MTOR: variants seen among roughly 807,000 people sequenced by gnomAD.
MTOR encodes the protein mechanistic target of rapamycin kinase, also known as serine/threonine-protein kinase mTOR.
A neutral mutation model predicts 319.8 loss-of-function variants in MTOR; 70 were observed. That is an observed-to-expected ratio of 0.22 (90% confidence interval 0.18 to 0.27). The LOEUF is 0.27. MTOR is among the 10% of genes least tolerant of loss of function. The pLI, the probability that MTOR is intolerant of heterozygous loss-of-function variation, is 1.00. For missense variants in MTOR, 1,890 were observed against 3,274.4 expected, an observed-to-expected ratio of 0.58 and a Z score of 10.32; for synonymous variants, 1,183 against 1,211.4, an observed-to-expected ratio of 0.98 and a Z score of 0.49.
Position 11,212,146 on chromosome 1 carries a change from T to C in MTOR, c.3561+166A>G, listed in dbSNP as rs1412707979. On this transcript the variant is annotated intron_variant, in intron 23 of 57. Transcript: ENST00000361445. The surrounding 1 kb of genome is among the most constrained non-coding windows in gnomAD (Gnocchi z 4.1). ...CCCCCAGAACGGCACTTAGCTCACA[T>C]AGGTTGCTCAATAAATGTTTGCTGA... Among the ~76,000 whole-genome samples the C allele has an allele frequency of 1.3e-5, 2 of 152,188 alleles. No homozygotes were observed. The highest frequency in any genetic ancestry group is 2.4e-5 in the African/African-American group (1 of 41,456).
chr1:11,241,825 A>G, intron 9 of MTOR, 144 bp from the exon 10 acceptor site: 1 of 815,594 alleles, frequency 1.2e-6, no homozygotes, highest in Non-Finnish European at 1.9e-6. Flanking sequence ...GCACAGTTCA[A>G]AGGGACCCAT....
chr1:11,154,523 C>A (rs1770345), intron 30 of MTOR, among the ~76,000 whole-genome samples: 62,025 of 149,592 alleles, frequency 0.41, 14,641 homozygotes, highest in Admixed American at 0.53. Context: ...ATCTCTCTCT[C>A]TATATATATA....
At chr1:11,242,567 AATAAACAGGGAAGT>A (rs910180214) in intron 9 of MTOR, among the ~76,000 whole-genome samples, 1 of 151,326 alleles carries the variant, frequency 6.6e-6, no homozygotes, top group Admixed American at 6.6e-5. Context: ...AATCTTCGCT[AATAAACAGGGAAGT>A]ATAAAGACAA....
In MTOR at chr1:11,237,932, T is replaced by G; in HGVS notation, c.2119A>C (p.Ile707Leu). 1 of 1,614,122 alleles carries G rather than the reference T, an allele frequency of 6.2e-7. No homozygotes were observed. The highest frequency in any genetic ancestry group is 2.2e-5 in the East Asian group (1 of 44,864). The change falls in exon 13 of 58, where the codon ATC (isoleucine) becomes CTC (leucine). Residue 707 changes from isoleucine (I) to leucine (L), a missense_variant. Coordinates refer to ENST00000361445, the MANE Select transcript of MTOR (RefSeq NM_004958.4). Reference sequence around the variant, plus strand: ...ACAGTGCAGATGGCCAGCTCCCGGATCTCAAACACCTGGTCATTCAGAGCC... The same window carrying G: ...ACAGTGCAGATGGCCAGCTCCCGGAGCTCAAACACCTGGTCATTCAGAGCC... ...FVALNDQVFEIRELAICTVGR... is the reference protein window; with the variant it reads ...FVALNDQVFELRELAICTVGR...
rs1376955321 is a variant in MTOR, at chr1:11,237,703, C to A, written c.2208+140G>T. ...TTATAAAGCCAGGGAAACATTTGGA[C>A]CTTTGCAGACAAATGCGGCTTTTAC... is the stretch of plus-strand genomic sequence containing the variant. On this transcript the variant is annotated intron_variant, in intron 13 of 57. Coordinates refer to ENST00000361445, the MANE Select transcript of MTOR (RefSeq NM_004958.4). 5 of 836,836 alleles carry A rather than the reference C, an allele frequency of 6.0e-6. No homozygotes were observed. The East Asian group carries it at 1.3e-4, about 22-fold the overall frequency. The allele number at this position is 836,836 out of a possible 1,614,324, so 51.8% of individuals were successfully genotyped here.
chr1:11,114,745 C>A, intron 52 of MTOR, 68 bp downstream of exon 52: 1 of 1,463,928 alleles, frequency 6.8e-7, no homozygotes, highest in Non-Finnish European at 9.5e-7. Flanking sequence ...CTCTAACAAG[C>A]GTGTTCTCAG....
chr1:11,136,746 T>C (rs1643436626), intron 36 of MTOR, among the ~76,000 whole-genome samples: 1 of 151,884 alleles, frequency 6.6e-6, no homozygotes, highest in Non-Finnish European at 1.5e-5. Context: ...CAAGCAATCC[T>C]CCCACCACGG....
chr1:11,251,199 C>T (rs1220364583), intron 6 of MTOR, among the ~76,000 whole-genome samples: 1 of 152,178 alleles, frequency 6.6e-6, no homozygotes, highest in Non-Finnish European at 1.5e-5. Context: ...CCCCATATCC[C>T]CACACACTTC....
intron 26 of MTOR, among the ~76,000 whole-genome samples, chr1:11,200,613 C>A (rs558193625): frequency 2.6e-5 from 4 of 152,122 alleles, no homozygotes; most frequent in African/African-American, 9.7e-5. Flanking sequence ...TTTTCTGTTA[C>A]ATATTAACAG....
At chr1:11,147,564 C>T (rs774027794) in intron 31 of MTOR, among the ~76,000 whole-genome samples, 25 of 152,210 alleles carry the variant, frequency 1.6e-4, no homozygotes, top group Admixed American at 7.9e-4. Context: ...TCCAGACCAT[C>T]GGCTCATCCA....
In MTOR at chr1:11,199,249, A is replaced by G. The variant is rs758656718; in HGVS notation, c.4253+9T>C. On this transcript the variant is annotated intron_variant, in intron 28 of 57. Coordinates refer to ENST00000361445, the MANE Select transcript of MTOR (RefSeq NM_004958.4). The surrounding 1 kb of genome is among the most constrained non-coding windows in gnomAD (Gnocchi z 4.5). ...TGAAGGCAGCAATTAAAAAGGGTTT[A>G]TGGCCTACCTGATGAGAGATTCTAG... 6 of 1,614,210 alleles carry G rather than the reference A, an allele frequency of 3.7e-6. No homozygotes were observed. The African/African-American group carries it at 8.0e-5, about 22-fold the overall frequency.
chr1:11,116,929 G>A, intron 50 of MTOR, 75 bp downstream of exon 50: 1 of 1,145,434 alleles, frequency 8.7e-7, no homozygotes. Flanking sequence ...ATATTTAATT[G>A]GAAAACCAAA....
At chr1:11,262,394 G>A (rs1005201774) in intron 1 of MTOR, 51 bp downstream of exon 1, 1 of 152,458 alleles carries the variant, frequency 6.6e-6, no homozygotes, top group Admixed American at 6.5e-5. Context: ...GCTGGCCGTG[G>A]GTCTGGACAT....
At chr1:11,123,247 A>G (rs559322782) in intron 47 of MTOR, among the ~76,000 whole-genome samples, 5 of 152,252 alleles carry the variant, frequency 3.3e-5, no homozygotes, top group Admixed American at 1.3e-4. Flanking sequence ...TTTCATTTTT[A>G]AAACATTTAA....
At chr1:11,250,043 G>T (rs1486353655) in intron 6 of MTOR, among the ~76,000 whole-genome samples, 67 of 143,702 alleles carry the variant, frequency 4.7e-4, no homozygotes, top group African/African-American at 1.6e-3. Context: ...TGGCCGGGCG[G>T]GGGGCTGACC....
chr1:11,170,671 T>C (rs1644784074), intron 28 of MTOR, among the ~76,000 whole-genome samples: 1 of 151,624 alleles, frequency 6.6e-6, no homozygotes, highest in Non-Finnish European at 1.5e-5. Context: ...ATTTCAATCC[T>C]ATCCTTTTCT....
chr1:11,206,618 G>C (rs1037611026), intron 25 of MTOR, among the ~76,000 whole-genome samples: 4 of 152,146 alleles, frequency 2.6e-5, no homozygotes, highest in African/African-American at 9.7e-5. Flanking sequence ...CAGTAAATAG[G>C]TTTTCAAAAA....
chr1:11,174,200 G>A (rs1168470846), intron 28 of MTOR, among the ~76,000 whole-genome samples: 1 of 152,188 alleles, frequency 6.6e-6, no homozygotes. Context: ...TGCAAGCTCT[G>A]CAATGGGAGG....
chr1:11,119,575 A>AG (rs1405594178), intron 49 of MTOR, among the ~76,000 whole-genome samples: 1 of 136,642 alleles, frequency 7.3e-6, no homozygotes, highest in African/African-American at 2.7e-5. Context: ...CGTCTCGAGA[A>AG]AAAAAAAAAA....
Sources: gnomAD v4.1 joint callset for allele counts (sites outside exome capture counted in the v4.1 genomes callset) on GRCh38, gnomAD v4.1.1 for gene constraint, Gnocchi (gnomAD v3.1) non-coding constraint, MANE v1.5 for transcripts, NCBI Gene and HGNC (gene_info 2026-07-23, HGNC 2026-07-21) for gene names.